ADGRE1: variants seen among roughly 807,000 people sequenced by gnomAD.
ADGRE1 encodes EGF-like module receptor 1.
A neutral mutation model predicts 102.7 loss-of-function variants in ADGRE1; 82 were observed. The ratio of observed to expected loss-of-function variants is 0.80; its 90% CI spans 0.67 to 0.96. ADGRE1 has a LOEUF of 0.96. Ranked by LOEUF, ADGRE1 falls within the 40% of genes least tolerant of loss-of-function variation. The probability of loss-of-function intolerance (pLI) is 0.00; values close to 1 mark genes in which losing one functional copy is unlikely to be tolerated. For missense variants in ADGRE1, 1,032 were observed against 1,085.3 expected, an observed-to-expected ratio of 0.95 and a Z score of 0.69; for synonymous variants, 398 against 399.6, an observed-to-expected ratio of 1.00 and a Z score of 0.05.
At chr19:6,938,682 T>G (rs571391490) in intron 20 of ADGRE1, among the ~76,000 whole-genome samples, 1 of 152,146 alleles carries the variant, frequency 6.6e-6, no homozygotes, top group Middle Eastern at 3.4e-3. Flanking sequence ...CAGTATGCAA[T>G]GGGGTTGGAA....
At chr19:6,924,904 GC>G in intron 15 of ADGRE1, 32 bp downstream of exon 15, 1 of 1,607,448 alleles carries the variant, frequency 6.2e-7, no homozygotes. Context: ...TCCCCACCAA[GC>G]CCCATCTTCT....
At chr19:6,898,203 T>C in intron 5 of ADGRE1, 1 of 965,972 alleles carries the variant, frequency 1.0e-6, no homozygotes, top group South Asian at 1.8e-5. Context: ...AGTACCAAAG[T>C]GAAGCGCATA....
chr19:6,920,227 G>GTTTCTTTT lies in ADGRE1; in HGVS notation c.1620+480_1620+481insTTTCTTTT, dbSNP rs1321527119. Among the ~76,000 whole-genome samples the GTTTCTTTT allele has an allele frequency of 3.1e-4, 47 of 149,262 alleles. 2 individuals are homozygous for GTTTCTTTT. Among genetic ancestry groups the GTTTCTTTT allele is most frequent in the South Asian group, 6.3e-4 (3 of 4,782 alleles). On this transcript the variant is annotated intron_variant, in intron 13 of 20. Transcript: ENST00000312053. ...TCCTGGATCCTGCTATGTGGTGGTT[G>GTTTCTTTT]CTTCTTTTTTTTTTTTTAGTCTCAC...
chr19:6,893,631 C>T (rs530810499), intron 2 of ADGRE1, among the ~76,000 whole-genome samples: 5 of 152,346 alleles, frequency 3.3e-5, no homozygotes, highest in African/African-American at 1.2e-4. Flanking sequence ...TTTGAAAGGT[C>T]TGGCTCTGCT....
intron 5 of ADGRE1, among the ~76,000 whole-genome samples, chr19:6,900,311 CAAAA>C (rs11334158): frequency 5.1e-4 from 58 of 114,730 alleles, no homozygotes; most frequent in African/African-American, 1.5e-3. Flanking sequence ...CCTGTCTCTA[CAAAA>C]AAAAAAAAAA....
At chr19:6,911,956 C>T (rs760758904) in intron 10 of ADGRE1, among the ~76,000 whole-genome samples, 4 of 150,546 alleles carry the variant, frequency 2.7e-5, no homozygotes, top group Non-Finnish European at 5.9e-5. Flanking sequence ...TACCCATACA[C>T]ACATACAGAC....
intron 1 of ADGRE1, 35 bp downstream of exon 1, chr19:6,887,674 C>G: frequency 2.5e-6 from 4 of 1,599,366 alleles, no homozygotes; most frequent in Non-Finnish European, 3.4e-6. Flanking sequence ...CTAGGGGAGG[C>G]CTGGATTGGA....
At chr19:6,930,220 G>A (rs539553090) in intron 17 of ADGRE1, among the ~76,000 whole-genome samples, 64 of 152,242 alleles carry the variant, frequency 4.2e-4, no homozygotes, top group Non-Finnish European at 7.8e-4. Context: ...GAAAGAAAAA[G>A]TAAAAAGAAA....
At chr19:6,908,224 G>C (rs532972398) in intron 9 of ADGRE1, among the ~76,000 whole-genome samples, 2 of 152,268 alleles carry the variant, frequency 1.3e-5, no homozygotes, top group South Asian at 4.1e-4. Context: ...CCATCCCTTC[G>C]TTTCCCATAA....
chr19:6,894,904 A>G (rs1449610104), intron 2 of ADGRE1: 2 of 152,254 alleles, frequency 1.3e-5, no homozygotes, highest in Non-Finnish European at 2.9e-5. Flanking sequence ...CTAAACAGGC[A>G]ACCTGAGGTA....
intron 17 of ADGRE1, among the ~76,000 whole-genome samples, chr19:6,930,510 A>G (rs878912708): frequency 5.3e-5 from 8 of 152,242 alleles, no homozygotes; most frequent in African/African-American, 1.2e-4. Context: ...ATATTTTCAT[A>G]CAGGCACAGA....
At chr19:6,922,610 TCTCACACA>T (rs1423977052) in intron 14 of ADGRE1, among the ~76,000 whole-genome samples, 4,046 of 119,966 alleles carry the variant, frequency 0.034, 70 homozygotes, top group Non-Finnish European at 0.047. Context: ...TGAGACTCTG[TCTCACACA>T]CACACACACA....
At chr19:6,923,883 G>A (rs1422191315) in intron 14 of ADGRE1, among the ~76,000 whole-genome samples, 2 of 130,432 alleles carry the variant, frequency 1.5e-5, no homozygotes, top group African/African-American at 5.8e-5. Flanking sequence ...TCATAGAGAG[G>A]TGCTCATAAG....
chr19:6,928,191 C>A lies in ADGRE1; in HGVS notation c.2269C>A (p.Pro757Thr). 6.2e-7 allele frequency: 1 copy of A among 1,614,092 alleles called. No individual in the cohort carries two copies. Among genetic ancestry groups the A allele is most frequent in the Non-Finnish European group, 8.5e-7 (1 of 1,179,998 alleles). ...ETGFIWSFLG[P>T]VCTVIVINSL... Reference sequence around the variant, plus strand: ...AGGGTTCATCTGGAGTTTCTTGGGGCCAGTTTGCACAGTTATAGTGGTAAG... The same window carrying A: ...AGGGTTCATCTGGAGTTTCTTGGGGACAGTTTGCACAGTTATAGTGGTAAG... The change falls in exon 17 of 21, where the codon CCA becomes ACA. Residue 757 changes from proline to threonine, a missense_variant. By Grantham distance (38) the Pro-to-Thr change is conservative. Coordinates refer to ENST00000312053, the MANE Select transcript of ADGRE1 (RefSeq NM_001974.5).
At position 6,937,683 on chromosome 19, in the gene ADGRE1, G is replaced by A. The variant is rs201185958; in HGVS notation, c.2655+35G>A. 671 of 1,601,424 alleles carry A rather than the reference G, an allele frequency of 4.2e-4. 4 individuals are homozygous for A. In the African/African-American group the frequency reaches 7.9e-3, roughly 19 times the overall value. ...TGCATGCTCCCTGCAGGTGCTGGTC[G>A]AGGGAGGTGCCGGCCTCTTGGTGAC... On this transcript the variant is annotated intron_variant, in intron 20 of 20. Transcript: ENST00000312053.
intron 11 of ADGRE1, among the ~76,000 whole-genome samples, chr19:6,915,161 C>T (rs1192137322): frequency 6.6e-6 from 1 of 151,886 alleles, no homozygotes; most frequent in Non-Finnish European, 1.5e-5. Flanking sequence ...TGTGCACCAC[C>T]ATGCTTGTCT....
intron 17 of ADGRE1, among the ~76,000 whole-genome samples, chr19:6,933,276 T>C (rs1423719985): frequency 6.6e-6 from 1 of 152,208 alleles, no homozygotes; most frequent in Non-Finnish European, 1.5e-5. Flanking sequence ...TTCAAGGACA[T>C]TGGGCTTTCT....
At chr19:6,887,966 C>G (rs1307674432) in intron 1 of ADGRE1, among the ~76,000 whole-genome samples, 1 of 152,180 alleles carries the variant, frequency 6.6e-6, no homozygotes, top group Non-Finnish European at 1.5e-5. Flanking sequence ...TAGGAGCAGA[C>G]AGGAAAGAAG....
chr19:6,902,949 A>G (rs770689588), intron 6 of ADGRE1, among the ~76,000 whole-genome samples: 21 of 152,182 alleles, frequency 1.4e-4, no homozygotes, highest in Non-Finnish European at 2.8e-4. Flanking sequence ...TTTAGCTCAC[A>G]AGGGTTCTTG....
Sources: allele counts gnomAD v4.1 joint callset (sites outside exome capture counted in the v4.1 genomes callset), GRCh38; gene constraint gnomAD v4.1.1; transcripts MANE v1.5; gene names NCBI Gene and HGNC (gene_info 2026-07-23, HGNC 2026-07-21).